CGREF1: variants seen among roughly 807,000 people sequenced by gnomAD.
CGREF1 encodes cell growth regulator with EF-hand domain 1.
Under a neutral mutation model 17.4 loss-of-function variants are expected in CGREF1, and 16 were observed. That is an observed-to-expected ratio of 0.92 (90% CI 0.62 to 1.40). The LOEUF (loss-of-function observed/expected upper bound fraction) is 1.40, where lower values mean the gene tolerates loss of function less well. Among genes scored for constraint, CGREF1 ranks in the 40% most tolerant of loss-of-function variants. CGREF1 has a pLI of 0.00. For synonymous variants in CGREF1, 142 were observed against 154.6 expected, an observed-to-expected ratio of 0.92 and a Z score of 0.61; for missense variants, 296 against 376.4, an observed-to-expected ratio of 0.79 and a Z score of 1.77.
chr2:27,106,214 G>C (rs1671113159), intron 1 of CGREF1, among the ~76,000 whole-genome samples: 1 of 152,226 alleles, frequency 6.6e-6, no homozygotes, highest in African/African-American at 2.4e-5. Context: ...AAAATAGAAA[G>C]TATCTTTTCA....
chr2:27,111,721 C>T (rs1671393317), intron 1 of CGREF1, among the ~76,000 whole-genome samples: 1 of 152,138 alleles, frequency 6.6e-6, no homozygotes, highest in Non-Finnish European at 1.5e-5. Context: ...GTGCTAAGCC[C>T]CTCACTGCCC....
chr2:27,106,726 C>T (rs1671135661), intron 1 of CGREF1, among the ~76,000 whole-genome samples: 1 of 152,222 alleles, frequency 6.6e-6, no homozygotes, highest in Admixed American at 6.5e-5. Context: ...AAGCGATTCT[C>T]CTGCCTCAGC....
chr2:27,104,219 A>G, intron 2 of CGREF1, 68 bp downstream of exon 2: 1 of 1,480,334 alleles, frequency 6.8e-7, no homozygotes, highest in Non-Finnish European at 9.0e-7. Context: ...AGGGCCCACC[A>G]CACCCTTGGA....
chr2:27,116,253 A>G (rs981112641), intron 1 of CGREF1, among the ~76,000 whole-genome samples: 1 of 149,322 alleles, frequency 6.7e-6, no homozygotes, highest in African/African-American at 2.5e-5. Flanking sequence ...AAGGCCGGGC[A>G]TGGTGGCTTA....
At chr2:27,114,107 G>A (rs1448903883) in intron 1 of CGREF1, among the ~76,000 whole-genome samples, 2 of 147,300 alleles carry the variant, frequency 1.4e-5, no homozygotes, top group Non-Finnish European at 3.0e-5. Context: ...CAATTCTCCT[G>A]CCTCAGCCTC....
chr2:27,099,504 G>C (rs751466422), downstream of CGREF1: 1 of 1,613,998 alleles, frequency 6.2e-7, no homozygotes, highest in African/African-American at 1.3e-5. Context: ...ATGCTTTCCC[G>C]CCACCCCGCG....
chr2:27,099,844 T>G (rs775659737), downstream of CGREF1: 10 of 1,556,316 alleles, frequency 6.4e-6, no homozygotes, highest in African/African-American at 1.1e-4. Context: ...GGTTGCCCTG[T>G]TCAGGGGACA....
At chr2:27,100,114 G>C, downstream of CGREF1, 1 of 561,556 alleles carries the variant, frequency 1.8e-6, no homozygotes, top group Non-Finnish European at 3.2e-6. Flanking sequence ...GCAGCGAGAA[G>C]TGCCCTGGGC....
chr2:27,103,845 T>C (rs777191766), intron 2 of CGREF1, among the ~76,000 whole-genome samples: 2 of 151,906 alleles, frequency 1.3e-5, no homozygotes, highest in Non-Finnish European at 2.9e-5. Context: ...TAGCCCAGCA[T>C]GGTGGCGGGC....
chr2:27,106,561 A>G (rs554162463), intron 1 of CGREF1, among the ~76,000 whole-genome samples: 1 of 152,170 alleles, frequency 6.6e-6, no homozygotes, highest in Non-Finnish European at 1.5e-5. Context: ...TAGAAGGGAG[A>G]AAAAAAACTC....
At position 27,101,168 on chromosome 2, in the gene CGREF1, G is replaced by A. The variant is rs1057394; in HGVS notation, c.*106C>T. Reference sequence around the variant, plus strand: ...AAGACCTGATACCTACTGGGACCAGGCAGGGGGCACAGAGATGGTCCTTGT... The same window carrying A: ...AAGACCTGATACCTACTGGGACCAGACAGGGGGCACAGAGATGGTCCTTGT... On this transcript the variant is annotated 3_prime_UTR_variant, in exon 6 of 6. Transcript: ENST00000402394. 898,582 of 1,486,506 alleles carry A rather than the reference G, an allele frequency of 0.6. 273,999 individuals are homozygous for A. The highest frequency in any genetic ancestry group is 0.78 in the East Asian group (33,708 of 43,222). 92.1% of individuals were successfully genotyped at this position (1,486,506 alleles called of 1,614,324 possible). A position where few individuals can be genotyped will look rare whatever the true frequency, so the allele number is the denominator to read the frequency against.
At chr2:27,100,348 T>C, downstream of CGREF1, 1 of 1,068,332 alleles carries the variant, frequency 9.4e-7, no homozygotes, top group Non-Finnish European at 1.3e-6. Context: ...GATGGGGTCT[T>C]CATTGTCCAG....
Position 27,100,680 on chromosome 2 carries a change from A to G in CGREF1, c.*594T>C. On this transcript the variant is annotated 3_prime_UTR_variant, in exon 6 of 6. Coordinates refer to ENST00000402394, the MANE Select transcript of CGREF1 (RefSeq NM_006569.6). ...TCTGCCTCAATTTCTTCATCTGTCA[A>G]ATGGAACCAATTCTGCTTGGCTACA... 1 of 1,088,008 alleles carries G rather than the reference A, an allele frequency of 9.2e-7. No homozygotes were observed. The highest frequency in any genetic ancestry group is 1.6e-5 in the South Asian group (1 of 62,710). The allele number at this position is 1,088,008 out of a possible 1,614,324, so 67.4% of individuals were successfully genotyped here. A position where few individuals can be genotyped will look rare whatever the true frequency, so the allele number is the denominator to read the frequency against.
At chr2:27,104,404 C>CGG (rs771795920) in intron 1 of CGREF1, 27 bp from the exon 2 acceptor site, 2 of 1,611,652 alleles carry the variant, frequency 1.2e-6, no homozygotes, top group African/African-American at 2.7e-5. Context: ...AATCAGGGGT[C>CGG]GGGGGAAAGA....
In CGREF1 at chr2:27,101,085, A is replaced by G; in HGVS notation, c.*189T>C. On this transcript the variant is annotated 3_prime_UTR_variant, in exon 6 of 6. Transcript: ENST00000402394. ...GAGAGGTGGCCGGGGGGATGAATTC[A>G]TTCAGTTCTTTATTGGTAATCTGCC... 1.5e-6 allele frequency: 2 copies of G among 1,353,232 alleles called. No homozygotes were observed. The highest frequency in any genetic ancestry group is 1.9e-6 in the Non-Finnish European group (2 of 1,059,544). The allele number at this position is 1,353,232 out of a possible 1,614,324, so 83.8% of individuals were successfully genotyped here. A position where few individuals can be genotyped will look rare whatever the true frequency, so the allele number is the denominator to read the frequency against.
chr2:27,107,636 TAAAA>T (rs555266964), intron 1 of CGREF1, among the ~76,000 whole-genome samples: 131 of 138,224 alleles, frequency 9.5e-4, no homozygotes, highest in African/African-American at 3.2e-3. Context: ...CAGTATGTTT[TAAAA>T]AAAAAAAAAA....
intron 1 of CGREF1, 61 bp from the exon 2 acceptor site, chr2:27,104,438 T>C: frequency 6.3e-7 from 1 of 1,589,772 alleles, no homozygotes; most frequent in African/African-American, 1.3e-5. Flanking sequence ...GTGTCACAGA[T>C]GGGCTGGGTT....
chr2:27,101,787 C>G lies in CGREF1; in HGVS notation c.444G>C (p.Arg148Ser), dbSNP rs1223729759. ...CAAGGGGCTCTCCGGGCTCCACGTG[C>G]CTGAGGGCTACTCCCGGGAAGTTGA... ...ELINFPGVAL[R>S]HVEPGEPLAP... The change falls in exon 6 of 6, where the codon AGG becomes AGC. Residue 148 changes from arginine (R) to serine (S), a missense_variant. Around this residue, in one of 3 missense-constraint regions of CGREF1, gnomAD observed 247 missense variants for 267.2 expected, o/e 0.92. Transcript: ENST00000402394. 5.6e-6 allele frequency: 9 copies of G among 1,614,112 alleles called. No homozygotes were observed. The highest frequency in any genetic ancestry group is 1.3e-5 in the African/African-American group (1 of 74,946).
rs1480036872 is a variant in CGREF1, at chr2:27,101,793, G to A, written c.438C>T (p.Ala146=). 6.2e-7 allele frequency: 1 copy of A among 1,614,076 alleles called. No homozygotes were observed. Among genetic ancestry groups the A allele is most frequent in the African/African-American group, 1.3e-5 (1 of 74,928 alleles). The change falls in exon 6 of 6, where the codon GCC becomes GCT. Residue 146 remains alanine (A), a synonymous_variant. Coordinates refer to ENST00000402394, the MANE Select transcript of CGREF1 (RefSeq NM_006569.6). ...PAELINFPGV[A]LRHVEPGEPL... ...GCTCTCCGGGCTCCACGTGCCTGAG[G>A]GCTACTCCCGGGAAGTTGATGAGCT...
Sources: gnomAD v4.1 joint callset for allele counts (sites outside exome capture counted in the v4.1 genomes callset) on GRCh38, gnomAD v4.1.1 for gene constraint, gnomAD v4.1.1 regional missense constraint, MANE v1.5 for transcripts, NCBI Gene and HGNC (gene_info 2026-07-23, HGNC 2026-07-21) for gene names.